The following LUZP2 variants were observed in gnomAD, a reference collection of about 807,000 sequenced individuals.
The protein encoded by LUZP2 is leucine zipper protein 2.
LUZP2 carries 52 observed loss-of-function variants against 51.6 expected under a neutral mutation model. The ratio of observed to expected loss-of-function variants is 1.01; its 90% CI spans 0.81 to 1.27. The LOEUF is 1.27. LUZP2 is among the 50% of genes most tolerant of loss of function. The pLI is 0.00. For synonymous variants in LUZP2, 154 were observed against 137.3 expected (o/e 1.12, Z -0.85); for missense variants, 436 against 395.4 (o/e 1.10, Z -0.87).
At chr11:24,720,967 G>A (rs1188136126) in intron 1 of LUZP2, among the ~76,000 whole-genome samples, 3 of 152,160 alleles carry the variant, frequency 2.0e-5, no homozygotes, top group Non-Finnish European at 2.9e-5. Flanking sequence ...GATTACAAGC[G>A]TGAGCCAGAC....
intron 9 of LUZP2, among the ~76,000 whole-genome samples, chr11:25,047,622 A>G (rs544916500): frequency 6.6e-6 from 1 of 152,262 alleles, no homozygotes; most frequent in South Asian, 2.1e-4. Flanking sequence ...ACATACAATT[A>G]CTATTCAATC....
At chr11:24,844,115 C>T (rs1280323719) in intron 5 of LUZP2, among the ~76,000 whole-genome samples, 1 of 152,080 alleles carries the variant, frequency 6.6e-6, no homozygotes, top group East Asian at 1.9e-4. Flanking sequence ...TTGGAGGGCT[C>T]AGAAGAAGGT....
intron 5 of LUZP2, among the ~76,000 whole-genome samples, chr11:24,799,598 A>AG (rs1453549421): frequency 6.6e-6 from 1 of 151,826 alleles, no homozygotes; most frequent in Non-Finnish European, 1.5e-5. Flanking sequence ...CAAAAAAAAA[A>AG]AAAATGAAAA....
intron 9 of LUZP2, among the ~76,000 whole-genome samples, chr11:25,019,330 A>G (rs1268160354): frequency 1.3e-5 from 2 of 152,178 alleles, no homozygotes; most frequent in African/African-American, 4.8e-5. Flanking sequence ...AGTAAACAGA[A>G]TCATAGAAAT....
chr11:24,556,061 T>G (rs1404101761), intron 1 of LUZP2, among the ~76,000 whole-genome samples: 3 of 152,192 alleles, frequency 2.0e-5, no homozygotes, highest in Admixed American at 2.0e-4. Flanking sequence ...CCAGTTTGTA[T>G]AATGTTTTTT....
intron 5 of LUZP2, among the ~76,000 whole-genome samples, chr11:24,774,916 G>C (rs17235022): frequency 6.8e-6 from 1 of 148,106 alleles, no homozygotes; most frequent in Non-Finnish European, 1.5e-5. Context: ...TGACTAATAC[G>C]GCATCTCTAG....
At chr11:24,600,088 T>A (rs377697834) in intron 1 of LUZP2, among the ~76,000 whole-genome samples, 2 of 151,898 alleles carry the variant, frequency 1.3e-5, no homozygotes, top group East Asian at 1.9e-4. Flanking sequence ...TCATGTAAAT[T>A]AAGATGGGTC....
chr11:24,653,248 G>T (rs1855690018), intron 1 of LUZP2, among the ~76,000 whole-genome samples: 1 of 152,114 alleles, frequency 6.6e-6, no homozygotes, highest in Non-Finnish European at 1.5e-5. Context: ...TCATGTTCTG[G>T]ATGTATTTTT....
chr11:24,866,989 G>A (rs1418124500), intron 5 of LUZP2, among the ~76,000 whole-genome samples: 1 of 152,072 alleles, frequency 6.6e-6, no homozygotes, highest in Non-Finnish European at 1.5e-5. Flanking sequence ...CTTAAAAGCT[G>A]TTTCCCAGGA....
At chr11:24,970,173 T>C (rs1404068951) in intron 7 of LUZP2, among the ~76,000 whole-genome samples, 2 of 152,142 alleles carry the variant, frequency 1.3e-5, no homozygotes, top group Admixed American at 1.3e-4. Context: ...TACAAGCAGC[T>C]ACTAGAGGTC....
intron 1 of LUZP2, among the ~76,000 whole-genome samples, chr11:24,704,649 A>C (rs79537908): frequency 6.6e-6 from 1 of 152,084 alleles, no homozygotes; most frequent in African/African-American, 2.4e-5. Context: ...TAAGTGCTCC[A>C]TGATATTACA....
At chr11:24,972,731 C>G (rs1429286020) in intron 7 of LUZP2, among the ~76,000 whole-genome samples, 3 of 151,822 alleles carry the variant, frequency 2.0e-5, no homozygotes, top group East Asian at 1.9e-4. Context: ...TTTACATTTA[C>G]TGATTTGTGT....
In LUZP2 at chr11:25,023,447, A is replaced by G. The variant is rs190747541; in HGVS notation, c.766-26591A>G. Among the ~76,000 whole-genome samples, 32 of 151,900 alleles carry G rather than the reference A, an allele frequency of 2.1e-4. 1 individual carries two copies. The East Asian group carries it at 6.2e-3, about 29-fold the overall frequency. On this transcript the variant is annotated intron_variant, in intron 9 of 11. Transcript: ENST00000336930. Reference sequence around the variant, plus strand: ...ATTTGCATAGAGATATTTATAGTATACTCTGATGGTAGTTTGTATTTCTGT... The same window carrying G: ...ATTTGCATAGAGATATTTATAGTATGCTCTGATGGTAGTTTGTATTTCTGT...
At chr11:24,875,249 C>A (rs1852211979) in intron 5 of LUZP2, among the ~76,000 whole-genome samples, 1 of 142,406 alleles carries the variant, frequency 7.0e-6, no homozygotes, top group Admixed American at 7.2e-5. Flanking sequence ...CTATCCTTCC[C>A]CCCTCCCCTC....
At chr11:24,901,627 C>T (rs1168847311) in intron 5 of LUZP2, among the ~76,000 whole-genome samples, 1 of 152,158 alleles carries the variant, frequency 6.6e-6, no homozygotes, top group Non-Finnish European at 1.5e-5. Context: ...TTGTCTTAGA[C>T]TTGCCTAGTC....
chr11:24,819,163 G>C (rs907791982), intron 5 of LUZP2, among the ~76,000 whole-genome samples: 3 of 152,072 alleles, frequency 2.0e-5, no homozygotes, highest in Admixed American at 6.6e-5. Context: ...AAATATAATG[G>C]GAAGTGAAAG....
intron 1 of LUZP2, among the ~76,000 whole-genome samples, chr11:24,586,296 A>C (rs770053583): frequency 2.0e-5 from 3 of 152,106 alleles, no homozygotes; most frequent in Admixed American, 2.0e-4. Context: ...CACCTTTGCT[A>C]TCTGCTCTTG....
intron 1 of LUZP2, among the ~76,000 whole-genome samples, chr11:24,657,198 T>C (rs1199093564): frequency 6.6e-6 from 1 of 152,178 alleles, no homozygotes; most frequent in Admixed American, 6.5e-5. Flanking sequence ...AGGCATGATT[T>C]GGAATAGATG....
chr11:24,871,926 T>A (rs1852089898), intron 5 of LUZP2, among the ~76,000 whole-genome samples: 1 of 152,088 alleles, frequency 6.6e-6, no homozygotes. Context: ...TAAGATTACC[T>A]TTCCAATTGT....
Sources: gnomAD v4.1 joint callset for allele counts (sites outside exome capture counted in the v4.1 genomes callset) on GRCh38, gnomAD v4.1.1 for gene constraint, MANE v1.5 for transcripts, NCBI Gene and HGNC (gene_info 2026-07-23, HGNC 2026-07-21) for gene names.